GMDS: variants seen among roughly 807,000 people sequenced by gnomAD.
GMDS encodes the protein GDP-mannose 4,6 dehydratase.
Under a neutral mutation model 49.9 loss-of-function variants are expected in GMDS, and 20 were observed. The observed-to-expected ratio is 0.40, with a 90% CI of 0.28 to 0.58. The LOEUF (loss-of-function observed/expected upper bound fraction) is 0.58. GMDS is among the 20% of genes least tolerant of loss of function. GMDS has a pLI of 0.42. For missense variants in GMDS, 362 were observed against 481.4 expected (o/e 0.75, Z 2.32); for synonymous variants, 177 against 178.6 (o/e 0.99, Z 0.07).
At chr6:1,889,181 A>G (rs950278652) in intron 7 of GMDS, among the ~76,000 whole-genome samples, 1 of 152,058 alleles carries the variant, frequency 6.6e-6, no homozygotes, top group African/African-American at 2.4e-5. Context: ...TTCTCCACAC[A>G]CTCATTAAAA....
intron 1 of GMDS, among the ~76,000 whole-genome samples, chr6:2,206,286 C>T (rs1477455554): frequency 2.0e-5 from 3 of 151,792 alleles, no homozygotes; most frequent in Non-Finnish European, 4.4e-5. Context: ...GGACATCCAA[C>T]TCTGAAATGA....
chr6:2,163,348 G>T (rs1777500490), intron 1 of GMDS, among the ~76,000 whole-genome samples: 1 of 152,182 alleles, frequency 6.6e-6, no homozygotes, highest in Admixed American at 6.5e-5. Flanking sequence ...GGGTCCAGGA[G>T]AGGCAAACAC....
At chr6:1,655,132 ACT>A (rs1301150622) in intron 9 of GMDS, among the ~76,000 whole-genome samples, 7 of 151,822 alleles carry the variant, frequency 4.6e-5, no homozygotes, top group East Asian at 1.9e-4. Context: ...TGAATCACTA[ACT>A]CTCATTTTTC....
At chr6:1,651,863 C>T (rs960854844) in intron 9 of GMDS, among the ~76,000 whole-genome samples, 3 of 152,146 alleles carry the variant, frequency 2.0e-5, no homozygotes, top group Non-Finnish European at 4.4e-5. Context: ...AGTATAGCTG[C>T]CCAAATGCCT....
chr6:1,807,095 T>G (rs970141282), intron 7 of GMDS, among the ~76,000 whole-genome samples: 1 of 151,988 alleles, frequency 6.6e-6, no homozygotes, highest in African/African-American at 2.4e-5. Context: ...CAGGCTGGAG[T>G]GCGGTGTGGC....
intron 7 of GMDS, among the ~76,000 whole-genome samples, chr6:1,748,271 T>C (rs1345053871): frequency 6.6e-6 from 1 of 152,202 alleles, no homozygotes; most frequent in South Asian, 2.1e-4. Context: ...TCTAGTTATA[T>C]ATTTATTTCT....
intron 4 of GMDS, among the ~76,000 whole-genome samples, chr6:2,115,438 C>T (rs1581670694): frequency 6.6e-6 from 1 of 152,212 alleles, no homozygotes; most frequent in Admixed American, 6.5e-5. Context: ...CATCTTCCAA[C>T]ATTTTAACAA....
At chr6:1,995,941 T>G (rs185337722) in intron 4 of GMDS, among the ~76,000 whole-genome samples, 55 of 152,302 alleles carry the variant, frequency 3.6e-4, no homozygotes, top group Admixed American at 9.8e-4. Flanking sequence ...AGACACATGC[T>G]AACTCAAGCA....
In GMDS at chr6:1,928,124, T is replaced by C. The variant is rs559631245; in HGVS notation, c.771+1979A>G. On this transcript the variant is annotated intron_variant, in intron 7 of 10. Transcript: ENST00000380815. ...GCTCAAGCCTGTAATCCCGGCACTT[T>C]GGGAGGCCAAGGTGGGTGGATCATG... Among the ~76,000 whole-genome samples, 3 of 152,328 alleles carry C rather than the reference T, an allele frequency of 2.0e-5. No homozygotes were observed. In the East Asian group the frequency reaches 5.8e-4, roughly 29 times the overall value.
chr6:2,164,047 G>A (rs1707051842), intron 1 of GMDS, among the ~76,000 whole-genome samples: 1 of 152,170 alleles, frequency 6.6e-6, no homozygotes, highest in Admixed American at 6.5e-5. Context: ...ATTAAAATGA[G>A]CCAAGTCTAG....
At chr6:1,983,833 G>A (rs1490301289) in intron 4 of GMDS, among the ~76,000 whole-genome samples, 2 of 152,114 alleles carry the variant, frequency 1.3e-5, no homozygotes, top group East Asian at 1.9e-4. Context: ...AGACCCAGAG[G>A]CAGAAATACC....
chr6:1,693,259 G>A (rs1245200740), intron 9 of GMDS, among the ~76,000 whole-genome samples: 2 of 152,200 alleles, frequency 1.3e-5, no homozygotes, highest in Non-Finnish European at 2.9e-5. Context: ...CCCAGCCTTA[G>A]GTAGTTTCCT....
intron 7 of GMDS, among the ~76,000 whole-genome samples, chr6:1,821,363 C>G (rs914771998): frequency 3.3e-5 from 5 of 150,396 alleles, no homozygotes; most frequent in African/African-American, 7.3e-5. Flanking sequence ...AGGGGAGCCG[C>G]GGCTGGTGGG....
At chr6:2,208,581 C>T (rs1182159035) in intron 1 of GMDS, among the ~76,000 whole-genome samples, 1 of 152,140 alleles carries the variant, frequency 6.6e-6, no homozygotes, top group East Asian at 1.9e-4. Context: ...GATGGAGGCC[C>T]ACATATGTTA....
chr6:2,115,134 G>A (rs974723115), intron 4 of GMDS, among the ~76,000 whole-genome samples: 3 of 152,110 alleles, frequency 2.0e-5, no homozygotes, highest in Non-Finnish European at 2.9e-5. Context: ...ATGTGAGCAG[G>A]AGGACACGGC....
chr6:2,067,577 G>A (rs1435763730), intron 4 of GMDS, among the ~76,000 whole-genome samples: 2 of 151,990 alleles, frequency 1.3e-5, no homozygotes, highest in African/African-American at 4.8e-5. Context: ...AAATGATAAA[G>A]GGGATATCAC....
chr6:2,006,553 C>T (rs552991123), intron 4 of GMDS, among the ~76,000 whole-genome samples: 4 of 152,204 alleles, frequency 2.6e-5, no homozygotes, highest in African/African-American at 7.2e-5. Flanking sequence ...TTAACAACTG[C>T]CACAAAATAC....
rs145178830 is a variant in GMDS at position 1,658,897 on chromosome 6, C to T, written c.988-34357G>A. Reference sequence around the variant, plus strand: ...AGAGAAAAGAGACGTCCTGGAATACCTGAACGGCTCTCACAAGGCTGTGAG... The same window carrying T: ...AGAGAAAAGAGACGTCCTGGAATACTTGAACGGCTCTCACAAGGCTGTGAG... On this transcript the variant is annotated intron_variant, in intron 9 of 10. Coordinates refer to ENST00000380815, the MANE Select transcript of GMDS (RefSeq NM_001500.4). Among the ~76,000 whole-genome samples the T allele has an allele frequency of 7.6e-3, 1,165 of 152,346 alleles. 16 individuals carry two copies. Among genetic ancestry groups the T allele is most frequent in the African/African-American group, 0.026 (1,098 of 41,578 alleles).
intron 4 of GMDS, among the ~76,000 whole-genome samples, chr6:1,975,456 A>G (rs1764845707): frequency 6.6e-6 from 1 of 152,192 alleles, no homozygotes. Context: ...CCCCACTATA[A>G]TCAGGAAACT....
Sources: gnomAD v4.1 joint callset for allele counts (sites outside exome capture counted in the v4.1 genomes callset) on GRCh38, gnomAD v4.1.1 for gene constraint, MANE v1.5 for transcripts, NCBI Gene and HGNC (gene_info 2026-07-23, HGNC 2026-07-21) for gene names.